SPATA13: variants seen among roughly 807,000 people sequenced by gnomAD.
SPATA13 encodes the protein spermatogenesis associated 13.
Under a neutral mutation model 104.0 loss-of-function variants are expected in SPATA13, and 50 were observed. The ratio of observed to expected loss-of-function variants is 0.48; its 90% CI spans 0.38 to 0.61. The LOEUF (loss-of-function observed/expected upper bound fraction) is 0.61. Among genes scored for constraint, SPATA13 ranks in the 20% least tolerant of loss-of-function variants. The pLI, the probability that SPATA13 is intolerant of heterozygous loss-of-function variation, is 0.00. For synonymous variants in SPATA13, 606 were observed against 667.5 expected (o/e 0.91, Z 1.42); for missense variants, 1,524 against 1,690.6 (o/e 0.90, Z 1.73).
Position 24,122,320 on chromosome 13 carries a change from A to G in SPATA13, c.-111-100499A>G, listed in dbSNP as rs960143150. The G allele has an allele frequency of 3.5e-6, 5 of 1,416,368 alleles. No homozygotes were observed. The African/African-American group carries it at 5.6e-5, about 16-fold the overall frequency. The allele number at this position is 1,416,368 out of a possible 1,614,324, so 87.7% of individuals were successfully genotyped here. ...GAAACTATTCAAACTATCGATTTGA[A>G]TAGTTTGAAAGATAGCTTTAAATAT... On this transcript the variant is annotated intron_variant, in intron 3 of 14. Coordinates refer to the SPATA13 transcript ENST00000424834.
rs370127380 is a variant in SPATA13, at chr13:24,161,399, G to T, written c.-112+467G>T. Among the ~76,000 whole-genome samples the T allele has an allele frequency of 1.3e-5, 2 of 152,196 alleles. No individual in the cohort carries two copies. Among genetic ancestry groups the T allele is most frequent in the South Asian group, 2.1e-4 (1 of 4,834 alleles). On this transcript the variant is annotated intron_variant, in intron 1 of 12. Transcript: ENST00000382108. This position sits in a 1 kb window ranked among gnomAD's most constrained non-coding sequence, Gnocchi z 4.5. ...TGCCTCCGGGGACCCGGAGCGATGC[G>T]GTTGGAGAGCTTAGTTTAGAAAGCA...
chr13:24,172,458 T>C (rs781674461), intron 1 of SPATA13, among the ~76,000 whole-genome samples: 3 of 152,256 alleles, frequency 2.0e-5, no homozygotes, highest in Non-Finnish European at 2.9e-5. Flanking sequence ...GGTTTTCTTT[T>C]GTGTTTTTTT....
At chr13:24,111,443 T>C (rs750353810) in intron 3 of SPATA13, among the ~76,000 whole-genome samples, 107 of 146,244 alleles carry the variant, frequency 7.3e-4, no homozygotes, top group Non-Finnish European at 1.4e-3. Context: ...AGTCTTGCTC[T>C]GTCACCGAGG....
chr13:24,082,792 A>G (rs1483204770), intron 3 of SPATA13, among the ~76,000 whole-genome samples: 3 of 127,558 alleles, frequency 2.4e-5, no homozygotes, highest in African/African-American at 8.9e-5. Flanking sequence ...TGCAGTCCGC[A>G]GTCCGGCCTG....
chr13:24,084,143 T>G (rs938876883), intron 3 of SPATA13, among the ~76,000 whole-genome samples: 1 of 152,172 alleles, frequency 6.6e-6, no homozygotes, highest in Admixed American at 6.5e-5. Context: ...CCAAGCCTGA[T>G]CCTAATTATC....
At chr13:23,981,723 A>C (rs184951803) in intron 1 of SPATA13, among the ~76,000 whole-genome samples, 5 of 152,312 alleles carry the variant, frequency 3.3e-5, no homozygotes, top group Non-Finnish European at 5.9e-5. Flanking sequence ...GATAAGCCTC[A>C]TGTCTCACGG....
chr13:24,142,533 G>GAAATATCACAA (rs1398410627), intron 3 of SPATA13, among the ~76,000 whole-genome samples: 1 of 152,154 alleles, frequency 6.6e-6, no homozygotes, highest in Non-Finnish European at 1.5e-5. Context: ...AAATATCACA[G>GAAATATCACAA]AACAGATGCT....
At chr13:23,994,100 T>C (rs1346793833) in intron 2 of SPATA13, among the ~76,000 whole-genome samples, 2 of 152,172 alleles carry the variant, frequency 1.3e-5, no homozygotes, top group Admixed American at 6.5e-5. Flanking sequence ...GATATTCTTG[T>C]CATTCTTACA....
chr13:24,133,995 C>G (rs1312864794), intron 3 of SPATA13, among the ~76,000 whole-genome samples: 1 of 152,166 alleles, frequency 6.6e-6, no homozygotes, highest in African/African-American at 2.4e-5. Context: ...GGGGAAGGCT[C>G]TTTCTGCATG....
intron 3 of SPATA13, among the ~76,000 whole-genome samples, chr13:24,146,932 A>AC (rs1881952785): frequency 7.0e-6 from 1 of 143,348 alleles, no homozygotes; most frequent in African/African-American, 2.6e-5. Context: ...TTCAGGCATG[A>AC]TTTTTTTTTC....
chr13:24,236,616 A>G (rs978247181), intron 2 of SPATA13, among the ~76,000 whole-genome samples: 2 of 147,728 alleles, frequency 1.4e-5, no homozygotes, highest in African/African-American at 2.5e-5. Context: ...AAAAAAAAAG[A>G]TATGCAAATG....
intron 4 of SPATA13, among the ~76,000 whole-genome samples, chr13:24,255,929 T>C (rs1166491902): frequency 6.6e-6 from 1 of 152,230 alleles, no homozygotes; most frequent in Non-Finnish European, 1.5e-5. Context: ...AAGGAATTAT[T>C]TTTAATTTTG....
chr13:24,139,118 C>G (rs1024376624), intron 3 of SPATA13, among the ~76,000 whole-genome samples: 1 of 152,196 alleles, frequency 6.6e-6, no homozygotes, highest in Non-Finnish European at 1.5e-5. Context: ...CCAGCTTCCA[C>G]TGGTTGCTAG....
At chr13:24,053,734 T>C (rs1878446244) in intron 3 of SPATA13, among the ~76,000 whole-genome samples, 1 of 152,168 alleles carries the variant, frequency 6.6e-6, no homozygotes, top group Admixed American at 6.5e-5. Flanking sequence ...CTGTATGATT[T>C]TGGGGCTGCT....
chr13:24,249,411 A>G, intron 2 of SPATA13, 66 bp from the exon 3 acceptor site: 2 of 1,449,540 alleles, frequency 1.4e-6, no homozygotes, highest in Non-Finnish European at 9.1e-7. Context: ...GAGGGAATGT[A>G]TGGCTTGTTC....
At position 24,045,362 on chromosome 13, in the gene SPATA13, T is replaced by TAC. The variant is rs148030590; in HGVS notation, c.-112+27666_-112+27667dup. On this transcript the variant is annotated intron_variant, in intron 3 of 14. Coordinates refer to the SPATA13 transcript ENST00000424834. ...AGGTCTGCATTTTAGCCTTATTTTA[T>TAC]ACACACCTTTTAGTATGAGCCAAAG... 9.4e-4 allele frequency among the ~76,000 whole-genome samples: 144 copies of TAC among 152,384 alleles called. 2 individuals are homozygous for TAC. The East Asian group carries it at 0.024, about 26-fold the overall frequency.
chr13:24,163,992 G>A (rs575864533), intron 1 of SPATA13, among the ~76,000 whole-genome samples: 12 of 152,188 alleles, frequency 7.9e-5, no homozygotes, highest in African/African-American at 2.9e-4. Flanking sequence ...AGCATAAATG[G>A]GATCATAACA....
At chr13:24,073,646 G>A (rs895596152) in intron 3 of SPATA13, among the ~76,000 whole-genome samples, 2 of 152,244 alleles carry the variant, frequency 1.3e-5, no homozygotes, top group Non-Finnish European at 2.9e-5. Context: ...CAATGGCATG[G>A]TTTTCTCATC....
intron 1 of SPATA13, among the ~76,000 whole-genome samples, chr13:24,193,722 T>A (rs916997836): frequency 6.6e-6 from 1 of 152,170 alleles, no homozygotes; most frequent in African/African-American, 2.4e-5. Flanking sequence ...TTAGCAAATA[T>A]CAGAGGAGCA....
Sources: gnomAD v4.1 joint callset for allele counts (sites outside exome capture counted in the v4.1 genomes callset) on GRCh38, gnomAD v4.1.1 for gene constraint, Gnocchi (gnomAD v3.1) non-coding constraint, MANE v1.5 for transcripts, NCBI Gene and HGNC (gene_info 2026-07-23, HGNC 2026-07-21) for gene names.